The following PCM1 variants were observed in gnomAD, a reference collection of about 807,000 sequenced individuals.
PCM1 encodes the protein pericentriolar material 1.
A neutral mutation model predicts 241.9 loss-of-function variants in PCM1; 157 were observed. That is an observed-to-expected ratio of 0.65 (90% CI 0.57 to 0.74). The LOEUF (loss-of-function observed/expected upper bound fraction) is 0.74. PCM1 is among the 30% of genes least tolerant of loss of function. PCM1 has a pLI of 0.00. For missense variants in PCM1, 3,478 were observed against 2,360.1 expected (o/e 1.47, Z -9.81); for synonymous variants, 1,085 against 784.9 (o/e 1.38, Z -6.39).
chr8:17,970,339 C>T (rs1038524533), intron 22 of PCM1, among the ~76,000 whole-genome samples: 2 of 151,742 alleles, frequency 1.3e-5, no homozygotes, highest in Admixed American at 1.3e-4. Flanking sequence ...ATATAATTCA[C>T]ATTATATTTC....
intron 29 of PCM1, among the ~76,000 whole-genome samples, chr8:17,994,336 C>T (rs1399850289): frequency 6.6e-6 from 1 of 152,198 alleles, no homozygotes; most frequent in African/African-American, 2.4e-5. Context: ...CCTCCAGTTC[C>T]ATCCATGTTG....
chr8:17,947,217 A>T lies in PCM1; in HGVS notation c.815A>T (p.Glu272Val). Reference sequence around the variant, plus strand: ...GATCCTCAGCAGGAGCCTATGGAAGAGATAGAAAATTTGAAGAAACAACAT... The same window carrying T: ...GATCCTCAGCAGGAGCCTATGGAAGTGATAGAAAATTTGAAGAAACAACAT... ...ARDPQQEPMEEIENLKKQHDL... is the reference protein window; with the variant it reads ...ARDPQQEPMEVIENLKKQHDL... Residue 272 changes from glutamate to valine, a missense_variant, in exon 7 of 39, where the codon GAG (glutamate) becomes GTG (valine). Glu to Val is a moderately radical substitution (Grantham distance 121). Coordinates refer to ENST00000325083, the MANE Select transcript of PCM1 (RefSeq NM_006197.4). The T allele has an allele frequency of 6.2e-7, 1 of 1,609,796 alleles. No individual in the cohort carries two copies. The highest frequency in any genetic ancestry group is 1.1e-5 in the South Asian group (1 of 90,632).
intron 29 of PCM1, among the ~76,000 whole-genome samples, chr8:17,999,389 A>G (rs1399270137): frequency 6.6e-6 from 1 of 152,100 alleles, no homozygotes; most frequent in Non-Finnish European, 1.5e-5. Flanking sequence ...TAATCCTTCC[A>G]GGACTGGGTC....
chr8:18,016,044 A>G (rs1200159665), intron 36 of PCM1, among the ~76,000 whole-genome samples: 1 of 152,086 alleles, frequency 6.6e-6, no homozygotes, highest in Non-Finnish European at 1.5e-5. Flanking sequence ...GTGTGTCACC[A>G]CACCCGGCTA....
chr8:17,972,049 T>G (rs2077032716), intron 22 of PCM1, among the ~76,000 whole-genome samples: 1 of 152,182 alleles, frequency 6.6e-6, no homozygotes, highest in African/African-American at 2.4e-5. Flanking sequence ...CTAGCCTGAT[T>G]TTTCTTTCCC....
At chr8:17,928,432 A>C (rs545977281) in intron 2 of PCM1, among the ~76,000 whole-genome samples, 72 of 151,888 alleles carry the variant, frequency 4.7e-4, no homozygotes, top group African/African-American at 1.7e-3. Context: ...CTACCACCAC[A>C]TCTGCTAAGC....
intron 22 of PCM1, among the ~76,000 whole-genome samples, chr8:17,970,381 C>T (rs1291106519): frequency 6.6e-6 from 1 of 151,216 alleles, no homozygotes. Context: ...AGGTCTCAGG[C>T]TCTTATATTA....
At chr8:18,005,745 G>A (rs953143877) in intron 29 of PCM1, among the ~76,000 whole-genome samples, 15 of 152,094 alleles carry the variant, frequency 9.9e-5, no homozygotes, top group African/African-American at 2.9e-4. Flanking sequence ...TTTAGTTGTC[G>A]AGGTGGTGTA....
Position 17,967,718 on chromosome 8 carries a change from C to A in PCM1, c.3412+548C>A, listed in dbSNP as rs116847789. On this transcript the variant is annotated intron_variant, in intron 21 of 38. Transcript: ENST00000325083. Reference sequence around the variant, plus strand: ...TTATTAAGAGGAAAGAGAACCTGTTCAATGGCTGCTGTATACTAGGCACTG... The same window carrying A: ...TTATTAAGAGGAAAGAGAACCTGTTAAATGGCTGCTGTATACTAGGCACTG... 9.0e-3 allele frequency among the ~76,000 whole-genome samples: 1,371 copies of A among 152,322 alleles called. 11 individuals are homozygous for A. Among genetic ancestry groups the A allele is most frequent in the Non-Finnish European group, 0.016 (1,116 of 68,026 alleles).
Position 17,955,537 on chromosome 8 carries a change from G to C in PCM1, c.1356G>C (p.Pro452=), listed in dbSNP as rs148232722. Residue 452 remains proline, a synonymous_variant, in exon 10 of 39, where the codon CCG becomes CCC. Transcript: ENST00000325083. ...SAPSASVGLA[P]VVNGESNSLT... ...CCTCTGCTTCTGTAGGCTTGGCACC[G>C]GTTGTCAATGGAGAATCCAATAGCC... is the stretch of plus-strand genomic sequence containing the variant. The C allele has an allele frequency of 6.2e-7, 1 of 1,613,538 alleles. No individual in the cohort carries two copies. The highest frequency in any genetic ancestry group is 1.1e-5 in the South Asian group (1 of 91,026).
At chr8:17,993,690 T>C in intron 29 of PCM1, 71 bp downstream of exon 29, 1 of 1,347,086 alleles carries the variant, frequency 7.4e-7, no homozygotes, top group South Asian at 1.4e-5. Flanking sequence ...GAAGACCTTA[T>C]TGTGATAAAG....
Position 17,937,187 on chromosome 8 carries a change from A to G in PCM1, c.150A>G (p.Lys50=). ...ATAGATCATCAGAAAAGAATAAGAAAAAGTTTGGTGTAGAAAGTGATAAAA... is the reference window on the plus strand; with the variant it reads ...ATAGATCATCAGAAAAGAATAAGAAGAAGTTTGGTGTAGAAAGTGATAAAA... ...KANRSSEKNK[K]KFGVESDKRV... is the part of the protein sequence containing the mutation. The change falls in exon 4 of 39, where the codon AAA becomes AAG. Residue 50 remains lysine (K), a synonymous_variant. Transcript: ENST00000325083. The G allele has an allele frequency of 6.3e-7, 1 of 1,593,530 alleles. No individual in the cohort carries two copies. The highest frequency in any genetic ancestry group is 2.3e-5 in the East Asian group (1 of 44,398).
chr8:17,971,285 G>C (rs2076768476), intron 22 of PCM1, among the ~76,000 whole-genome samples: 1 of 152,214 alleles, frequency 6.6e-6, no homozygotes, highest in Non-Finnish European at 1.5e-5. Context: ...AATCCTGTAG[G>C]TCACTGTCTC....
chr8:17,946,590 G>A (rs2063848601), intron 6 of PCM1, among the ~76,000 whole-genome samples: 1 of 151,878 alleles, frequency 6.6e-6, no homozygotes, highest in African/African-American at 2.4e-5. Context: ...TCTACCTCCT[G>A]AGTTCAAGCG....
intron 29 of PCM1, among the ~76,000 whole-genome samples, chr8:18,003,106 C>A (rs138133482): frequency 6.6e-6 from 1 of 152,306 alleles, no homozygotes; most frequent in African/African-American, 2.4e-5. Context: ...TGCTTGCACG[C>A]CACCTTTAAC....
chr8:17,999,949 T>G (rs1222486412), intron 29 of PCM1, among the ~76,000 whole-genome samples: 1 of 152,174 alleles, frequency 6.6e-6, no homozygotes, highest in Non-Finnish European at 1.5e-5. Flanking sequence ...TCATGGAGCT[T>G]GCATGCTAGA....
At chr8:18,010,708 C>T (rs1314997476) in intron 32 of PCM1, 40 bp downstream of exon 32, 7 of 1,440,764 alleles carry the variant, frequency 4.9e-6, no homozygotes, top group East Asian at 4.9e-5. Flanking sequence ...TATGGCTGGG[C>T]GCGGTGGCTC....
chr8:18,000,088 A>G (rs1002811081), intron 29 of PCM1, among the ~76,000 whole-genome samples: 2 of 152,218 alleles, frequency 1.3e-5, no homozygotes, highest in African/African-American at 2.4e-5. Flanking sequence ...ATATTGGATG[A>G]TCAGGGAAAG....
At chr8:18,013,758 G>T (rs916788501) in intron 34 of PCM1, 2 of 511,568 alleles carry the variant, frequency 3.9e-6, no homozygotes, top group East Asian at 3.5e-5. Flanking sequence ...CTGTGTGTGT[G>T]TGTTTTTAAG....
Sources: gnomAD v4.1 joint callset for allele counts (sites outside exome capture counted in the v4.1 genomes callset) on GRCh38, gnomAD v4.1.1 for gene constraint, MANE v1.5 for transcripts, NCBI Gene and HGNC (gene_info 2026-07-23, HGNC 2026-07-21) for gene names.